USP53: variants seen among roughly 807,000 people sequenced by gnomAD.
USP53 encodes the protein ubiquitin carboxyl-terminal hydrolase 53.
Under a neutral mutation model 94.9 loss-of-function variants are expected in USP53, and 71 were observed. The observed-to-expected ratio is 0.75, with a 90% confidence interval of 0.62 to 0.91. USP53 has a LOEUF of 0.91. USP53 is among the 40% of genes least tolerant of loss of function. The pLI is 0.00. For synonymous variants in USP53, 375 were observed against 422.7 expected (o/e 0.89, Z 1.39); for missense variants, 1,173 against 1,281.0 (o/e 0.92, Z 1.29).
At chr4:119,284,806 T>G (rs1304807011) in intron 17 of USP53, among the ~76,000 whole-genome samples, 1 of 151,942 alleles carries the variant, frequency 6.6e-6, no homozygotes, top group Non-Finnish European at 1.5e-5. Flanking sequence ...GTACATTATG[T>G]ACTTTTTCAT....
chr4:119,261,408 T>A (rs1750505307), intron 11 of USP53, among the ~76,000 whole-genome samples: 1 of 152,240 alleles, frequency 6.6e-6, no homozygotes, highest in South Asian at 2.1e-4. Context: ...AAATGTGGAA[T>A]TTATCTCATA....
chr4:119,264,541 C>T (rs1237864306), intron 12 of USP53, among the ~76,000 whole-genome samples: 1 of 152,162 alleles, frequency 6.6e-6, no homozygotes, highest in African/African-American at 2.4e-5. Context: ...AAAATGTTGA[C>T]AGTTCACCAA....
intron 17 of USP53, among the ~76,000 whole-genome samples, chr4:119,276,330 G>C (rs1752638323): frequency 6.6e-6 from 1 of 150,602 alleles, no homozygotes; most frequent in Non-Finnish European, 1.5e-5. Context: ...TTTTGTCAAA[G>C]GCTTTTTCTG....
At chr4:119,288,666 G>T (rs1350999419) in intron 17 of USP53, among the ~76,000 whole-genome samples, 1 of 152,158 alleles carries the variant, frequency 6.6e-6, no homozygotes, top group Non-Finnish European at 1.5e-5. Flanking sequence ...GCCGGGCACG[G>T]TGGCTGACAC....
intron 3 of USP53, chr4:119,220,388 G>C (rs1044816002): frequency 4.6e-5 from 7 of 152,168 alleles, no homozygotes; most frequent in African/African-American, 1.4e-4. Flanking sequence ...CAGTAGATCT[G>C]CTACTGAAGT....
intron 3 of USP53, among the ~76,000 whole-genome samples, chr4:119,225,482 C>G (rs917978086): frequency 1.3e-5 from 2 of 151,968 alleles, no homozygotes; most frequent in Admixed American, 6.6e-5. Context: ...CGTGGTGGCT[C>G]ACGCCTGTAA....
At chr4:119,236,219 A>C (rs1455762576) in intron 4 of USP53, among the ~76,000 whole-genome samples, 1 of 152,214 alleles carries the variant, frequency 6.6e-6, no homozygotes, top group Non-Finnish European at 1.5e-5. Context: ...CAGTCTATTA[A>C]GTGTGCAAAA....
intron 3 of USP53, chr4:119,220,032 A>G (rs1744295951): frequency 6.6e-6 from 1 of 152,204 alleles, no homozygotes; most frequent in Non-Finnish European, 1.5e-5. Context: ...AGCACTTAAT[A>G]AAGTTAAACA....
rs548079793 is a variant in USP53, at chr4:119,293,080, G to A, written c.3091G>A (p.Glu1031Lys). 2 of 1,614,022 alleles carry A rather than the reference G, an allele frequency of 1.2e-6. No individual in the cohort carries two copies. Among genetic ancestry groups the A allele is most frequent in the East Asian group, 4.5e-5 (2 of 44,874 alleles). Residue 1031 changes from glutamate to lysine, a missense_variant, in exon 19 of 19, where the codon GAG (glutamate) becomes AAG (lysine). Transcript: ENST00000692078. ...ELDSISTCPN[E>K]TVSLTTYFSV... ...AGACTCTATTTCTACCTGTCCAAAT[G>A]AGACAGTTTCATTAACTACCTATTT... is the stretch of plus-strand genomic sequence containing the variant.
rs1578488385 is a variant in USP53 at position 119,255,550 on chromosome 4, T to C, written c.373-696T>C. Among the ~76,000 whole-genome samples, 3 of 152,336 alleles carry C rather than the reference T, an allele frequency of 2.0e-5. No individual in the cohort carries two copies. The South Asian group carries it at 6.2e-4, about 32-fold the overall frequency. On this transcript the variant is annotated intron_variant, in intron 7 of 18. Coordinates refer to ENST00000692078, the MANE Select transcript of USP53 (RefSeq NM_001371395.1). ...AAGGCTCCGTGGGTGTCGGACCCGC[T>C]GAGCCAGGCACGGGAGGGGAACTCC... is the stretch of plus-strand genomic sequence containing the variant.
chr4:119,213,647 T>TTAGATATATATAG (rs201030853), intron 1 of USP53, among the ~76,000 whole-genome samples: 4,154 of 122,002 alleles, frequency 0.034, 363 homozygotes, highest in African/African-American at 0.13. Context: ...AATAGATATA[T>TTAGATATATATAG]ATATATATAT....
chr4:119,291,727 A>G (rs575520260), intron 18 of USP53, among the ~76,000 whole-genome samples: 48 of 152,250 alleles, frequency 3.2e-4, no homozygotes, highest in African/African-American at 1.1e-3. Flanking sequence ...ATTTTAAACT[A>G]TTATACAGCC....
At chr4:119,223,488 G>C (rs1744823959) in intron 3 of USP53, among the ~76,000 whole-genome samples, 1 of 152,146 alleles carries the variant, frequency 6.6e-6, no homozygotes, top group African/African-American at 2.4e-5. Context: ...CCAATTTGAA[G>C]ATCGCTGCCT....
At chr4:119,290,827 G>A (rs191295956) in intron 17 of USP53, among the ~76,000 whole-genome samples, 66 of 152,106 alleles carry the variant, frequency 4.3e-4, no homozygotes, top group Non-Finnish European at 8.1e-4. Context: ...CAAATGCAGG[G>A]TTTTTTTCAC....
intron 3 of USP53, chr4:119,219,555 G>A (rs1183845897): frequency 6.6e-6 from 1 of 152,146 alleles, no homozygotes; most frequent in Non-Finnish European, 1.5e-5. Flanking sequence ...ATGTTTTTGG[G>A]AGACACAATT....
chr4:119,221,765 G>A (rs554895637), intron 3 of USP53, among the ~76,000 whole-genome samples: 6 of 152,286 alleles, frequency 3.9e-5, no homozygotes, highest in African/African-American at 7.2e-5. Context: ...CCTCTGATTG[G>A]CCGAAATGGG....
intron 17 of USP53, among the ~76,000 whole-genome samples, chr4:119,274,950 T>C: frequency 1.5e-5 from 1 of 67,628 alleles, no homozygotes; most frequent in South Asian, 5.9e-4. Flanking sequence ...GGTTGTTTGT[T>C]TTTTTCTTGT....
chr4:119,227,799 A>T (rs989204684), intron 3 of USP53, among the ~76,000 whole-genome samples: 3 of 152,238 alleles, frequency 2.0e-5, no homozygotes, highest in African/African-American at 7.2e-5. Flanking sequence ...GTGTATAGTT[A>T]CTTTATTCAT....
intron 3 of USP53, among the ~76,000 whole-genome samples, chr4:119,225,670 C>A (rs984658675): frequency 6.6e-6 from 1 of 151,954 alleles, no homozygotes; most frequent in African/African-American, 2.4e-5. Context: ...GGCGTGAACC[C>A]GGGAGGTGGA....
Sources: allele counts gnomAD v4.1 joint callset (sites outside exome capture counted in the v4.1 genomes callset), GRCh38; gene constraint gnomAD v4.1.1; transcripts MANE v1.5; gene names NCBI Gene and HGNC (gene_info 2026-07-23, HGNC 2026-07-21).